The following CTNNA3 variants were observed in gnomAD, a reference collection of about 807,000 sequenced individuals.
CTNNA3 encodes catenin alpha-3.
Under a neutral mutation model 95.7 loss-of-function variants are expected in CTNNA3, and 76 were observed. The ratio of observed to expected loss-of-function variants is 0.79; its 90% CI spans 0.66 to 0.96. The LOEUF (loss-of-function observed/expected upper bound fraction) is 0.96, where lower values mean the gene tolerates loss of function less well. Ranked by LOEUF, CTNNA3 falls within the 40% of genes least tolerant of loss-of-function variation. The pLI, the probability that CTNNA3 is intolerant of heterozygous loss-of-function variation, is 0.00. For synonymous variants in CTNNA3, 431 were observed against 374.4 expected, an observed-to-expected ratio of 1.15 and a Z score of -1.74; for missense variants, 1,191 against 1,089.8, an observed-to-expected ratio of 1.09 and a Z score of -1.31.
intron 5 of CTNNA3, among the ~76,000 whole-genome samples, chr10:67,286,620 CT>C (rs1392780114): frequency 1.3e-5 from 2 of 152,164 alleles, no homozygotes; most frequent in East Asian, 3.8e-4. Context: ...ATTTAAGCAT[CT>C]TTCCATTCTT....
intron 13 of CTNNA3, among the ~76,000 whole-genome samples, chr10:66,152,446 C>T (rs1209021012): frequency 1.3e-5 from 2 of 151,730 alleles, no homozygotes; most frequent in African/African-American, 4.8e-5. Flanking sequence ...ATAATGAAAA[C>T]TAAGAATGTT....
intron 11 of CTNNA3, among the ~76,000 whole-genome samples, chr10:66,512,615 T>C (rs1840700761): frequency 6.6e-6 from 1 of 152,124 alleles, no homozygotes; most frequent in Non-Finnish European, 1.5e-5. Context: ...ATATCTGCTT[T>C]TGCTTAATTG....
rs572314146 is a variant in CTNNA3 at position 66,867,513 on chromosome 10, A to T, written c.1048-91989T>A. Among the ~76,000 whole-genome samples, 5 of 152,334 alleles carry T rather than the reference A, an allele frequency of 3.3e-5. No homozygotes were observed. In the East Asian group the frequency reaches 5.8e-4, roughly 18 times the overall value. On this transcript the variant is annotated intron_variant, in intron 7 of 17. Coordinates refer to ENST00000433211, the MANE Select transcript of CTNNA3 (RefSeq NM_013266.4). The stretch of plus-strand genomic sequence containing the variant: ...ATAAACTGAGGCTCTATTAGCTCTC[A>T]CATTCTGTGTTATTTTTATGGAGTG...
intron 1 of CTNNA3, among the ~76,000 whole-genome samples, chr10:67,701,819 A>T (rs1841042597): frequency 6.6e-6 from 1 of 151,952 alleles, no homozygotes; most frequent in South Asian, 2.1e-4. Context: ...CAATTAAAAG[A>T]CACAGACTGG....
chr10:65,974,378 G>T (rs906772170), intron 16 of CTNNA3, among the ~76,000 whole-genome samples: 8 of 151,998 alleles, frequency 5.3e-5, no homozygotes, highest in Non-Finnish European at 2.9e-5. Context: ...AATAAAATGG[G>T]GTACATATAC....
At chr10:66,806,227 C>T (rs1766084884) in intron 7 of CTNNA3, among the ~76,000 whole-genome samples, 1 of 150,562 alleles carries the variant, frequency 6.6e-6, no homozygotes. Context: ...AATGTCTAAG[C>T]ACATAGTATT....
At chr10:66,737,736 C>T (rs116446707) in intron 9 of CTNNA3, among the ~76,000 whole-genome samples, 2,018 of 151,954 alleles carry the variant, frequency 0.013, 42 homozygotes, top group African/African-American at 0.047. Context: ...CATGGCTCAC[C>T]GCAACCTCTG....
At chr10:67,016,930 T>C (rs1474594544) in intron 7 of CTNNA3, among the ~76,000 whole-genome samples, 4 of 152,206 alleles carry the variant, frequency 2.6e-5, no homozygotes, top group Non-Finnish European at 5.9e-5. Flanking sequence ...ACCATCAAAA[T>C]GTCTGGTTCA....
chr10:67,131,695 G>A (rs1244654004), intron 7 of CTNNA3, among the ~76,000 whole-genome samples: 3 of 152,034 alleles, frequency 2.0e-5, no homozygotes, highest in African/African-American at 7.2e-5. Context: ...TATAAGAGGT[G>A]CTCAAAAATT....
At chr10:66,909,510 A>AAAATAAAT (rs3056543) in intron 7 of CTNNA3, among the ~76,000 whole-genome samples, 6 of 150,352 alleles carry the variant, frequency 4.0e-5, no homozygotes, top group Non-Finnish European at 5.9e-5. Flanking sequence ...ACTCCATCTC[A>AAAATAAAT]AAATAAATAA....
intron 14 of CTNNA3, among the ~76,000 whole-genome samples, chr10:66,088,215 C>T (rs1436372696): frequency 6.6e-6 from 1 of 151,800 alleles, no homozygotes; most frequent in Non-Finnish European, 1.5e-5. Flanking sequence ...GTTTCATATA[C>T]CAAAGATTTT....
intron 7 of CTNNA3, among the ~76,000 whole-genome samples, chr10:67,169,819 G>A (rs1044696729): frequency 3.3e-5 from 5 of 152,102 alleles, no homozygotes; most frequent in East Asian, 3.9e-4. Context: ...TATCAACACA[G>A]TAAACAGACA....
chr10:66,144,761 T>A (rs886775883), intron 13 of CTNNA3, among the ~76,000 whole-genome samples: 1 of 152,234 alleles, frequency 6.6e-6, no homozygotes, highest in Admixed American at 6.5e-5. Context: ...GTGCTGGGAT[T>A]ACAGGCGTGA....
chr10:66,958,847 T>A (rs1848971928), intron 7 of CTNNA3, among the ~76,000 whole-genome samples: 1 of 152,050 alleles, frequency 6.6e-6, no homozygotes, highest in African/African-American at 2.4e-5. Flanking sequence ...AGAGCTAAGG[T>A]TTGAGATTTA....
chr10:66,715,696 T>C (rs1467332925), intron 9 of CTNNA3, among the ~76,000 whole-genome samples: 1 of 152,042 alleles, frequency 6.6e-6, no homozygotes, highest in African/African-American at 2.4e-5. Flanking sequence ...ATAGCAATGT[T>C]TAGGTAAGTA....
At chr10:66,746,972 A>AT (rs1371710278) in intron 9 of CTNNA3, among the ~76,000 whole-genome samples, 1 of 152,148 alleles carries the variant, frequency 6.6e-6, no homozygotes, top group Non-Finnish European at 1.5e-5. Flanking sequence ...TACTTTATAG[A>AT]TTTTTAGTCA....
intron 13 of CTNNA3, among the ~76,000 whole-genome samples, chr10:66,224,161 A>C (rs1599673): frequency 0.36 from 54,257 of 151,878 alleles, 10,103 homozygotes; most frequent in East Asian, 0.46. Context: ...TACTCCATTG[A>C]CTCCCCTGGT....
intron 5 of CTNNA3, among the ~76,000 whole-genome samples, chr10:67,400,581 A>AT (rs1844881128): frequency 6.6e-6 from 1 of 152,132 alleles, no homozygotes; most frequent in African/African-American, 2.4e-5. Context: ...TCAAAGGCTT[A>AT]TTTTTCATGT....
intron 3 of CTNNA3, among the ~76,000 whole-genome samples, chr10:67,576,685 C>T (rs1380954538): frequency 7.4e-6 from 1 of 135,142 alleles, no homozygotes; most frequent in Non-Finnish European, 1.6e-5. Flanking sequence ...GGTATATCTC[C>T]TAATGCTATC....
Sources: gnomAD v4.1 joint callset for allele counts (sites outside exome capture counted in the v4.1 genomes callset) on GRCh38, gnomAD v4.1.1 for gene constraint, MANE v1.5 for transcripts, NCBI Gene and HGNC (gene_info 2026-07-23, HGNC 2026-07-21) for gene names.